Variants in EPHA7 observed in about 807,000 individuals in gnomAD.
The protein encoded by EPHA7 is ephrin type-A receptor 7.
EPHA7 carries 25 observed loss-of-function variants against 112.6 expected under a neutral mutation model. That is an observed-to-expected ratio of 0.22 (90% CI 0.16 to 0.31). EPHA7 has a LOEUF of 0.31. EPHA7 is among the 10% of genes least tolerant of loss of function. EPHA7 has a pLI of 1.00. For synonymous variants in EPHA7, 437 were observed against 406.5 expected (o/e 1.07, Z -0.90); for missense variants, 962 against 1,212.6 (o/e 0.79, Z 3.07).
intron 5 of EPHA7, among the ~76,000 whole-genome samples, chr6:93,307,822 T>C (rs1019183448): frequency 2.6e-5 from 4 of 152,220 alleles, no homozygotes; most frequent in Admixed American, 1.3e-4. Context: ...CATCCATACG[T>C]TGAGCTTGGG....
intron 5 of EPHA7, among the ~76,000 whole-genome samples, chr6:93,312,858 A>T (rs959915868): frequency 6.6e-6 from 1 of 152,168 alleles, no homozygotes; most frequent in African/African-American, 2.4e-5. Context: ...TTTTAATATT[A>T]TTCTGTCTCA....
chr6:93,247,159 G>A (rs753748823), intron 14 of EPHA7, among the ~76,000 whole-genome samples, 174 bp from the exon 15 acceptor site: 15 of 152,210 alleles, frequency 9.9e-5, no homozygotes, highest in African/African-American at 2.2e-4. Flanking sequence ...TAAGGAGTGC[G>A]TGAAGTGCAG....
intron 5 of EPHA7, among the ~76,000 whole-genome samples, chr6:93,313,847 G>T (rs971876330): frequency 3.3e-5 from 5 of 152,046 alleles, no homozygotes; most frequent in African/African-American, 1.2e-4. Flanking sequence ...GGCTAGGAAG[G>T]AGAAAAATCT....
intron 3 of EPHA7, among the ~76,000 whole-genome samples, chr6:93,398,377 C>T (rs1397795016): frequency 6.6e-6 from 1 of 151,908 alleles, no homozygotes; most frequent in East Asian, 1.9e-4. Flanking sequence ...GAGACTATAA[C>T]CTTCAGCATT....
intron 5 of EPHA7, among the ~76,000 whole-genome samples, chr6:93,286,179 C>A (rs970280344): frequency 2.0e-5 from 3 of 151,846 alleles, no homozygotes; most frequent in East Asian, 1.9e-4. Flanking sequence ...ACACACACAC[C>A]CCCACACAAA....
At chr6:93,403,754 C>T (rs1270013092) in intron 3 of EPHA7, among the ~76,000 whole-genome samples, 2 of 150,806 alleles carry the variant, frequency 1.3e-5, no homozygotes, top group African/African-American at 2.4e-5. Context: ...ATTTCTACAA[C>T]CGGGAGACCA....
rs1346854026 is a variant in EPHA7, at chr6:93,354,681, G to A, written c.1324+2036C>T. Among the ~76,000 whole-genome samples the A allele has an allele frequency of 2.1e-5, 3 of 145,106 alleles. No individual in the cohort carries two copies. The East Asian group carries it at 6.0e-4, about 29-fold the overall frequency. On this transcript the variant is annotated intron_variant, in intron 5 of 16. Transcript: ENST00000369303. ...AGCCAACCTAGTTTGTTCTTAACCA[G>A]AAGGGAGTCAACATCCAAAGCCATT...
intron 5 of EPHA7, among the ~76,000 whole-genome samples, chr6:93,295,305 AT>A (rs1250585092): frequency 6.6e-6 from 1 of 151,864 alleles, no homozygotes; most frequent in Non-Finnish European, 1.5e-5. Context: ...ATGCTGCTAT[AT>A]TTTTAGTTAA....
chr6:93,386,034 G>A (rs1777585505), intron 3 of EPHA7, among the ~76,000 whole-genome samples: 1 of 152,090 alleles, frequency 6.6e-6, no homozygotes, highest in African/African-American at 2.4e-5. Context: ...CCAACACATA[G>A]GGATTACAAT....
chr6:93,253,697 C>T (rs945070259), intron 14 of EPHA7, among the ~76,000 whole-genome samples: 3 of 152,044 alleles, frequency 2.0e-5, no homozygotes, highest in East Asian at 3.9e-4. Context: ...CTTCATACAC[C>T]TCTAAACCTT....
rs1769973123 is a variant in EPHA7 at position 93,246,777 on chromosome 6, T to G, written c.2726+15A>C. The G allele has an allele frequency of 6.3e-7, 1 of 1,587,090 alleles. No homozygotes were observed. The highest frequency in any genetic ancestry group is 1.3e-5 in the African/African-American group (1 of 74,484). ...GTAATTTCTCCCAGATTCCATTCCC[T>G]TAGGCATTTCTTACCTACTACAAGT... On this transcript the variant is annotated intron_variant, in intron 15 of 16. Transcript: ENST00000369303.
intron 3 of EPHA7, among the ~76,000 whole-genome samples, chr6:93,391,549 A>G (rs1777905334): frequency 6.6e-6 from 1 of 151,980 alleles, no homozygotes; most frequent in Non-Finnish European, 1.5e-5. Context: ...GCAAAACTAA[A>G]AAACTATTCC....
chr6:93,247,730 C>A (rs1770021985), intron 14 of EPHA7, among the ~76,000 whole-genome samples: 1 of 152,074 alleles, frequency 6.6e-6, no homozygotes. Flanking sequence ...ATAGGCATAT[C>A]TAATATTATA....
intron 3 of EPHA7, among the ~76,000 whole-genome samples, chr6:93,367,977 C>G (rs751301584): frequency 2.0e-5 from 3 of 151,998 alleles, no homozygotes; most frequent in Non-Finnish European, 4.4e-5. Flanking sequence ...AGTTATTAAC[C>G]AAATATAGCC....
At chr6:93,256,293 A>T (rs1211669273) in intron 12 of EPHA7, among the ~76,000 whole-genome samples, 1 of 152,152 alleles carries the variant, frequency 6.6e-6, no homozygotes, top group Non-Finnish European at 1.5e-5. Flanking sequence ...TTGAGTTTGC[A>T]CAAGTCCAAA....
Position 93,266,705 on chromosome 6 carries a change from C to A in EPHA7, c.1634-2003G>T, listed in dbSNP as rs377717470. 2.2e-4 allele frequency among the ~76,000 whole-genome samples: 34 copies of A among 151,774 alleles called. No individual in the cohort carries two copies. In the East Asian group the frequency reaches 2.5e-3, roughly 11 times the overall value. ...TTTTAGGCTGCATCTTACCTTCTGA[C>A]CTGCTTTCTGGCACAGCAAGTCACT... On this transcript the variant is annotated intron_variant, in intron 7 of 16. Transcript: ENST00000369303.
rs139453315 is a variant in EPHA7 at position 93,335,302 on chromosome 6, T to C, written c.1324+21415A>G. On this transcript the variant is annotated intron_variant, in intron 5 of 16. Coordinates refer to ENST00000369303, the MANE Select transcript of EPHA7 (RefSeq NM_004440.4). Reference sequence around the variant, plus strand: ...TTTTTAGTTTTAGAACAAAATGAGATTTTTCATCTAATGTAAAACATAATC... The same window carrying C: ...TTTTTAGTTTTAGAACAAAATGAGACTTTTCATCTAATGTAAAACATAATC... Among the ~76,000 whole-genome samples, 769 of 152,178 alleles carry C rather than the reference T, an allele frequency of 5.1e-3. 12 individuals are homozygous for C. Among genetic ancestry groups the C allele is most frequent in the African/African-American group, 0.018 (739 of 41,548 alleles).
At chr6:93,377,924 T>C (rs945607006) in intron 3 of EPHA7, among the ~76,000 whole-genome samples, 6 of 152,146 alleles carry the variant, frequency 3.9e-5, no homozygotes, top group African/African-American at 1.2e-4. Context: ...ACTAGACCCC[T>C]TGTAGGAAGA....
chr6:93,417,539 C>T (rs1779301253), intron 1 of EPHA7, among the ~76,000 whole-genome samples: 1 of 152,212 alleles, frequency 6.6e-6, no homozygotes, highest in Non-Finnish European at 1.5e-5. Context: ...GAGAACTAGA[C>T]ATTCTGGCTG....
Sources: allele counts gnomAD v4.1 joint callset (sites outside exome capture counted in the v4.1 genomes callset), GRCh38; gene constraint gnomAD v4.1.1; transcripts MANE v1.5; gene names NCBI Gene and HGNC (gene_info 2026-07-23, HGNC 2026-07-21).